ZNF717: variants seen among roughly 807,000 people sequenced by gnomAD.
ZNF717 encodes zinc finger protein 717, also known as krueppel-like factor X17.
Under a neutral mutation model 13.8 loss-of-function variants are expected in ZNF717, and 9 were observed. That is an observed-to-expected ratio of 0.65 (90% CI 0.39 to 1.14). The LOEUF is 1.14. Among genes scored for constraint, ZNF717 ranks in the 50% most tolerant of loss-of-function variants. ZNF717 has a pLI of 0.01. For synonymous variants in ZNF717, 327 were observed against 364.1 expected, an observed-to-expected ratio of 0.90 and a Z score of 1.16; for missense variants, 1,040 against 1,080.7, an observed-to-expected ratio of 0.96 and a Z score of 0.53.
intron 2 of ZNF717, among the ~76,000 whole-genome samples, chr3:75,748,353 T>G (rs1575814279): frequency 6.6e-6 from 1 of 152,264 alleles, no homozygotes; most frequent in Middle Eastern, 3.4e-3. Context: ...GCCAGCATCA[T>G]CCTGATACCA....
At chr3:75,734,728 C>CATA (rs1938931293), downstream of ZNF717, among the ~76,000 whole-genome samples, 1 of 144,188 alleles carries the variant, frequency 6.9e-6, no homozygotes, top group Admixed American at 7.0e-5. Context: ...AGCCACCGTA[C>CATA]CTGGCTGCTT....
chr3:75,748,462 T>C (rs1941378733), intron 2 of ZNF717, among the ~76,000 whole-genome samples: 1 of 152,064 alleles, frequency 6.6e-6, no homozygotes, highest in African/African-American at 2.4e-5. Context: ...CAAAACCTAA[T>C]CCAGCAGCAC....
chr3:75,695,453 C>T (rs1227038317), intron 6 of ZNF717, among the ~76,000 whole-genome samples: 2 of 152,418 alleles, frequency 1.3e-5, no homozygotes, highest in East Asian at 1.9e-4. Flanking sequence ...AAACATCAGA[C>T]TTAATCTGCA....
At chr3:75,709,271 G>T (rs77663085), downstream of ZNF717, among the ~76,000 whole-genome samples, 1 of 151,896 alleles carries the variant, frequency 6.6e-6, no homozygotes, top group African/African-American at 2.4e-5. Context: ...AAGTGCTGGG[G>T]TTATAGGTGT....
intron 4 of ZNF717, among the ~76,000 whole-genome samples, chr3:75,718,549 A>G (rs111903688): frequency 3.1e-4 from 47 of 152,274 alleles, no homozygotes; most frequent in African/African-American, 9.1e-4. Flanking sequence ...ATACAGTTAT[A>G]TAAGTTACAT....
At chr3:75,743,251 T>A (rs2107230823) in intron 2 of ZNF717, among the ~76,000 whole-genome samples, 1 of 152,348 alleles carries the variant, frequency 6.6e-6, no homozygotes, top group Non-Finnish European at 1.5e-5. Context: ...TAATGCTACA[T>A]AAATGGCTGT....
chr3:75,734,133 AT>A, downstream of ZNF717, among the ~76,000 whole-genome samples: 1 of 151,290 alleles, frequency 6.6e-6, no homozygotes, highest in East Asian at 2.0e-4. Flanking sequence ...GCAGTGGCAC[AT>A]TCTCGGCTCA....
chr3:75,701,819 A>C (rs1937703245), intron 6 of ZNF717, among the ~76,000 whole-genome samples: 1 of 149,322 alleles, frequency 6.7e-6, no homozygotes. Flanking sequence ...AAGAGTGGAC[A>C]AAAAATTTAA....
At chr3:75,729,765 A>G (rs919635999), downstream of ZNF717, among the ~76,000 whole-genome samples, 62 of 152,314 alleles carry the variant, frequency 4.1e-4, no homozygotes, top group Admixed American at 1.8e-3. Context: ...AAAGCTTTTT[A>G]TCTTGGAGCC....
intron 4 of ZNF717, among the ~76,000 whole-genome samples, chr3:75,718,183 C>T (rs78274512): frequency 6.8e-6 from 1 of 147,416 alleles, no homozygotes; most frequent in South Asian, 2.2e-4. Context: ...ATTCTCCAGT[C>T]CAGTCAGTAG....
chr3:75,754,574 A>T (rs1942301498), intron 2 of ZNF717, among the ~76,000 whole-genome samples: 1 of 152,240 alleles, frequency 6.6e-6, no homozygotes, highest in South Asian at 2.1e-4. Flanking sequence ...TAACTGAAGA[A>T]TACCTCTGAT....
chr3:75,744,535 G>A, intron 2 of ZNF717, among the ~76,000 whole-genome samples: 1 of 152,210 alleles, frequency 6.6e-6, no homozygotes. Context: ...ACTCACTACT[G>A]AAACCAACTT....
intron 6 of ZNF717, among the ~76,000 whole-genome samples, chr3:75,703,543 A>G (rs1177665887): frequency 0.013 from 576 of 45,572 alleles, no homozygotes; most frequent in African/African-American, 0.041. Flanking sequence ...TAATAATAAT[A>G]ATAAATAAAT....
intron 2 of ZNF717, among the ~76,000 whole-genome samples, chr3:75,747,221 C>T (rs1479033823): frequency 6.6e-6 from 1 of 151,988 alleles, no homozygotes; most frequent in Non-Finnish European, 1.5e-5. Flanking sequence ...TGGTCTATAT[C>T]TCTGTTTTGG....
intron 4 of ZNF717, among the ~76,000 whole-genome samples, chr3:75,720,136 C>T (rs1441381934): frequency 6.6e-6 from 1 of 151,986 alleles, no homozygotes; most frequent in Non-Finnish European, 1.5e-5. Context: ...CCAGCAATCC[C>T]ATTACTGGGT....
chr3:75,776,550 T>A (rs1454753388), intron 2 of ZNF717, among the ~76,000 whole-genome samples: 3 of 152,250 alleles, frequency 2.0e-5, no homozygotes, highest in Non-Finnish European at 4.4e-5. Flanking sequence ...CCCTTCACAA[T>A]CTAGAATCTG....
At chr3:75,727,550 T>C (rs1470505478), downstream of ZNF717, among the ~76,000 whole-genome samples, 3 of 152,174 alleles carry the variant, frequency 2.0e-5, no homozygotes, top group African/African-American at 4.8e-5. Context: ...GGAGTGTCTG[T>C]CTTATGTGGT....
chr3:75,765,017 A>ATGTGTGTG (rs1553680573), intron 2 of ZNF717, among the ~76,000 whole-genome samples: 5 of 30,996 alleles, frequency 1.6e-4, no homozygotes, highest in African/African-American at 5.0e-4. Context: ...ATATATATAT[A>ATGTGTGTG]TATATATATA....
At chr3:75,742,779 T>C (rs1296417607) in intron 2 of ZNF717, among the ~76,000 whole-genome samples, 2 of 152,230 alleles carry the variant, frequency 1.3e-5, no homozygotes, top group Non-Finnish European at 2.9e-5. Flanking sequence ...ATTATATTAC[T>C]TCCTCAGTAT....
Sources: gnomAD v4.1 joint callset for allele counts (sites outside exome capture counted in the v4.1 genomes callset) on GRCh38, gnomAD v4.1.1 for gene constraint, MANE v1.5 for transcripts, NCBI Gene and HGNC (gene_info 2026-07-23, HGNC 2026-07-21) for gene names.